PLXNC1: variants seen among roughly 807,000 people sequenced by gnomAD.
PLXNC1 encodes plexin-C1.
Under a neutral mutation model 178.2 loss-of-function variants are expected in PLXNC1, and 75 were observed. That is an observed-to-expected ratio of 0.42 (90% confidence interval 0.35 to 0.51). The LOEUF (loss-of-function observed/expected upper bound fraction) is 0.51, where lower values mean the gene tolerates loss of function less well. Ranked by LOEUF, PLXNC1 falls within the 20% of genes least tolerant of loss-of-function variation. The pLI is 0.02. For synonymous variants in PLXNC1, 790 were observed against 779.9 expected (o/e 1.01, Z -0.22); for missense variants, 1,503 against 1,984.4 (o/e 0.76, Z 4.61).
At chr12:94,236,306 G>T (rs545469892) in intron 9 of PLXNC1, among the ~76,000 whole-genome samples, 51 of 152,360 alleles carry the variant, frequency 3.3e-4, no homozygotes, top group Non-Finnish European at 6.5e-4. Context: ...GAGTGATGGG[G>T]ACGACTGTGC....
intron 9 of PLXNC1, among the ~76,000 whole-genome samples, chr12:94,230,052 C>T (rs1470798764): frequency 6.6e-6 from 1 of 152,200 alleles, no homozygotes; most frequent in Non-Finnish European, 1.5e-5. Context: ...TCTATCATCA[C>T]AAGGCTCCCC....
intron 12 of PLXNC1, among the ~76,000 whole-genome samples, chr12:94,247,264 G>A (rs554159209): frequency 5.4e-4 from 82 of 151,788 alleles, no homozygotes; most frequent in Non-Finnish European, 1.0e-3. Flanking sequence ...CACCTTTTTT[G>A]CATTGTTTTC....
chr12:94,167,269 C>A (rs2135937772), intron 1 of PLXNC1, among the ~76,000 whole-genome samples: 1 of 152,302 alleles, frequency 6.6e-6, no homozygotes, highest in African/African-American at 2.4e-5. Flanking sequence ...GTATTAAGCA[C>A]CTACTGTATA....
chr12:94,170,475 G>A (rs1350415756), intron 2 of PLXNC1, among the ~76,000 whole-genome samples: 2 of 152,072 alleles, frequency 1.3e-5, no homozygotes, highest in African/African-American at 4.8e-5. Flanking sequence ...GGCACCTTAT[G>A]TGTCTATGCT....
intron 23 of PLXNC1, among the ~76,000 whole-genome samples, chr12:94,291,820 G>A (rs950893374): frequency 4.6e-5 from 7 of 152,124 alleles, no homozygotes; most frequent in African/African-American, 1.7e-4. Flanking sequence ...AGGGTATACT[G>A]CATGATGCTG....
intron 10 of PLXNC1, among the ~76,000 whole-genome samples, chr12:94,239,669 G>A (rs1033456476): frequency 1.3e-5 from 2 of 152,206 alleles, no homozygotes; most frequent in Admixed American, 6.5e-5. Context: ...AGGTGACAGC[G>A]GGAATGTCGG....
At chr12:94,177,503 CAAAG>C (rs759576666) in intron 2 of PLXNC1, among the ~76,000 whole-genome samples, 215 of 111,722 alleles carry the variant, frequency 1.9e-3, no homozygotes, top group South Asian at 3.1e-3. Flanking sequence ...GAAAGAAAAA[CAAAG>C]AAAGAAAGAG....
intron 12 of PLXNC1, among the ~76,000 whole-genome samples, chr12:94,246,048 C>T (rs185640688): frequency 6.6e-6 from 1 of 152,276 alleles, no homozygotes; most frequent in African/African-American, 2.4e-5. Flanking sequence ...AGGATTCTGA[C>T]CCAAAAGGCT....
At chr12:94,262,448 G>A (rs1051092480) in intron 20 of PLXNC1, 12 of 974,792 alleles carry the variant, frequency 1.2e-5, no homozygotes, top group East Asian at 1.1e-4. Flanking sequence ...CATTAGAGGG[G>A]TGAGATGTTC....
intron 4 of PLXNC1, among the ~76,000 whole-genome samples, chr12:94,198,951 A>G (rs933486993): frequency 9.9e-5 from 15 of 152,190 alleles, no homozygotes; most frequent in South Asian, 2.1e-4. Context: ...TTGGGGGAAC[A>G]CTCTTTAACG....
chr12:94,182,719 T>C (rs1329521150), intron 3 of PLXNC1, among the ~76,000 whole-genome samples: 1 of 151,140 alleles, frequency 6.6e-6, no homozygotes, highest in Non-Finnish European at 1.5e-5. Flanking sequence ...AGTGAGACTC[T>C]GTCTCAAAAA....
chr12:94,181,068 A>G (rs1458647677), intron 2 of PLXNC1, among the ~76,000 whole-genome samples: 1 of 152,168 alleles, frequency 6.6e-6, no homozygotes, highest in Non-Finnish European at 1.5e-5. Context: ...ATGTAGCTTT[A>G]TGATTAAGCT....
rs758862827 is a variant in PLXNC1 at position 94,149,099 on chromosome 12, A to G, written c.128A>G (p.Glu43Gly). Residue 43 changes from glutamate (E) to glycine (G), a missense_variant, in exon 1 of 31, where the codon GAG (glutamate) becomes GGG (glycine). Glu to Gly is a moderately conservative substitution (Grantham distance 98). Coordinates refer to ENST00000258526, the MANE Select transcript of PLXNC1 (RefSeq NM_005761.3). ...RGADEPVWRSEQAIGAIAASQ... is the reference protein window; with the variant it reads ...RGADEPVWRSGQAIGAIAASQ... ...GCGGACGAGCCCGTGTGGCGGTCGG[A>G]GCAAGCCATCGGAGCCATCGCGGCG... 1.9e-6 allele frequency: 3 copies of G among 1,584,138 alleles called. No individual in the cohort carries two copies. Among genetic ancestry groups the G allele is most frequent in the East Asian group, 2.3e-5 (1 of 42,864 alleles).
At chr12:94,277,387 A>T (rs932029725) in intron 21 of PLXNC1, among the ~76,000 whole-genome samples, 3 of 152,180 alleles carry the variant, frequency 2.0e-5, no homozygotes, top group Non-Finnish European at 4.4e-5. Flanking sequence ...TAGCAGCATT[A>T]AAGACAAGAA....
At chr12:94,267,592 C>A (rs1446094439) in intron 21 of PLXNC1, among the ~76,000 whole-genome samples, 2 of 152,098 alleles carry the variant, frequency 1.3e-5, no homozygotes, top group Admixed American at 6.5e-5. Context: ...AAGGAATGGG[C>A]CACTTGTTTT....
rs1418861442 is a variant in PLXNC1, at chr12:94,300,947, C to T, written c.4276C>T (p.Pro1426Ser). ...CTTCTGGGTAAACATCCTGAAGAAC[C>T]CTCAGTTTGTCTTTGACATTAAGAA... ...LRFWVNILKNPQFVFDIKKTP... is the reference protein window; with the variant it reads ...LRFWVNILKNSQFVFDIKKTP... Residue 1426 changes from proline (P) to serine (S), a missense_variant, in exon 28 of 31, where the codon CCT (proline) becomes TCT (serine). Around this residue, in one of 4 missense-constraint regions of PLXNC1, gnomAD observed 639 missense variants for 979.7 expected, o/e 0.65. Coordinates refer to ENST00000258526, the MANE Select transcript of PLXNC1 (RefSeq NM_005761.3). 1.2e-6 allele frequency: 2 copies of T among 1,613,208 alleles called. No homozygotes were observed. Among genetic ancestry groups the T allele is most frequent in the South Asian group, 1.1e-5 (1 of 91,000 alleles).
chr12:94,232,869 A>G (rs908347729), intron 9 of PLXNC1, among the ~76,000 whole-genome samples: 1 of 152,174 alleles, frequency 6.6e-6, no homozygotes, highest in Admixed American at 6.5e-5. Context: ...GCTCAGAGAG[A>G]GCAAATGGTA....
At chr12:94,186,770 GC>G (rs1962525919) in intron 4 of PLXNC1, 1 of 295,732 alleles carries the variant, frequency 3.4e-6, no homozygotes, top group South Asian at 4.5e-5. Context: ...TCCAGAGTTC[GC>G]CAAGACTCAA....
intron 5 of PLXNC1, among the ~76,000 whole-genome samples, chr12:94,214,900 TA>T (rs1963598372): frequency 7.0e-6 from 1 of 143,368 alleles, no homozygotes; most frequent in African/African-American, 2.6e-5. Flanking sequence ...GTATTAAGGC[TA>T]TTTTTTTTTT....
Sources: gnomAD v4.1 joint callset for allele counts (sites outside exome capture counted in the v4.1 genomes callset) on GRCh38, gnomAD v4.1.1 for gene constraint, gnomAD v4.1.1 regional missense constraint, MANE v1.5 for transcripts, NCBI Gene and HGNC (gene_info 2026-07-23, HGNC 2026-07-21) for gene names.